PALM2AKAP2: variants seen among roughly 807,000 people sequenced by gnomAD.
The protein encoded by PALM2AKAP2 is PALM2 and AKAP2 fusion.
Under a neutral mutation model 71.5 loss-of-function variants are expected in PALM2AKAP2, and 37 were observed. The ratio of observed to expected loss-of-function variants is 0.52; its 90% CI spans 0.40 to 0.68. The LOEUF is 0.68. Ranked by LOEUF, PALM2AKAP2 falls within the 30% of genes least tolerant of loss-of-function variation. The probability of loss-of-function intolerance (pLI) is 0.00; values close to 1 mark genes in which losing one functional copy is unlikely to be tolerated. For missense variants in PALM2AKAP2, 1,224 were observed against 1,191.8 expected, an observed-to-expected ratio of 1.03 and a Z score of -0.40; for synonymous variants, 468 against 478.8, an observed-to-expected ratio of 0.98 and a Z score of 0.29.
intron 2 of PALM2AKAP2, among the ~76,000 whole-genome samples, chr9:110,150,926 ACAT>A (rs1836296402): frequency 6.6e-6 from 1 of 152,228 alleles, no homozygotes; most frequent in African/African-American, 2.4e-5. Context: ...AGAGTCTAAA[ACAT>A]CATTTATAAT....
At chr9:109,759,409 G>A (rs1256090348) in intron 1 of PALM2AKAP2, among the ~76,000 whole-genome samples, 2 of 152,074 alleles carry the variant, frequency 1.3e-5, no homozygotes, top group Non-Finnish European at 2.9e-5. Flanking sequence ...GCATCAAAAC[G>A]GTGATTCTTT....
Position 109,690,467 on chromosome 9 carries a change from T to G in PALM2AKAP2, c.5+49601T>G, listed in dbSNP as rs143666315. On this transcript the variant is annotated intron_variant, in intron 1 of 6. Coordinates refer to the PALM2AKAP2 transcript ENST00000374531. ...TTATGTCTCTCAATCCCAAAAAATATAGTTGGCTTTAAAACTCTTTATAAT... is the reference window on the plus strand; with the variant it reads ...TTATGTCTCTCAATCCCAAAAAATAGAGTTGGCTTTAAAACTCTTTATAAT... Among the ~76,000 whole-genome samples, 159 of 152,312 alleles carry G rather than the reference T, an allele frequency of 1.0e-3. 2 individuals are homozygous for G. Among genetic ancestry groups the G allele is most frequent in the African/African-American group, 3.8e-3 (156 of 41,580 alleles).
At chr9:109,757,749 G>A (rs1828986247) in intron 1 of PALM2AKAP2, among the ~76,000 whole-genome samples, 1 of 151,784 alleles carries the variant, frequency 6.6e-6, no homozygotes, top group South Asian at 2.1e-4. Context: ...AGCAAAACAT[G>A]CCAAGGTTCA....
At chr9:109,927,087 G>A (rs976798791) in intron 5 of PALM2AKAP2, among the ~76,000 whole-genome samples, 4 of 152,136 alleles carry the variant, frequency 2.6e-5, no homozygotes, top group Non-Finnish European at 5.9e-5. Context: ...TTGGGAAGTG[G>A]CCCAGGGAAG....
At chr9:109,725,180 A>G (rs1828458342) in intron 1 of PALM2AKAP2, among the ~76,000 whole-genome samples, 1 of 152,206 alleles carries the variant, frequency 6.6e-6, no homozygotes, top group Non-Finnish European at 1.5e-5. Context: ...TGGCAAGAAC[A>G]TGGTGGGAAC....
intron 1 of PALM2AKAP2, among the ~76,000 whole-genome samples, chr9:109,808,494 G>T (rs1039541390): frequency 1.3e-5 from 2 of 152,222 alleles, no homozygotes; most frequent in East Asian, 1.9e-4. Context: ...GGTGACTTGG[G>T]TGCTGTTAAA....
rs192527870 is a variant in PALM2AKAP2, at chr9:109,866,260, C to G, written c.46-1231C>G. 2.1e-4 allele frequency among the ~76,000 whole-genome samples: 32 copies of G among 152,294 alleles called. No individual in the cohort carries two copies. In the East Asian group the frequency reaches 6.2e-3, roughly 29 times the overall value. On this transcript the variant is annotated intron_variant, in intron 1 of 9. Coordinates refer to the PALM2AKAP2 transcript ENST00000302798. ...AAGCTTCCGTTAACACTGAGCACAG[C>G]AGCCAGGCTTCCGCATTGTTGTTGT... is the stretch of plus-strand genomic sequence containing the variant.
intron 1 of PALM2AKAP2, among the ~76,000 whole-genome samples, chr9:109,785,338 C>T (rs995137448): frequency 2.6e-5 from 4 of 152,160 alleles, no homozygotes; most frequent in Non-Finnish European, 4.4e-5. Context: ...CTACCTTCTT[C>T]CTGAGGTGTG....
chr9:109,813,718 T>C (rs1827781396), intron 1 of PALM2AKAP2, among the ~76,000 whole-genome samples: 1 of 152,140 alleles, frequency 6.6e-6, no homozygotes, highest in Admixed American at 6.5e-5. Flanking sequence ...CATCCTAGAC[T>C]TCTCAAGAAG....
chr9:109,891,105 T>A (rs1006260103), intron 3 of PALM2AKAP2, among the ~76,000 whole-genome samples: 2 of 152,198 alleles, frequency 1.3e-5, no homozygotes, highest in African/African-American at 4.8e-5. Flanking sequence ...CTGTACAGCA[T>A]GGGGCTGCCA....
intron 1 of PALM2AKAP2, among the ~76,000 whole-genome samples, chr9:109,813,107 G>C (rs1017589809): frequency 3.3e-5 from 5 of 152,198 alleles, no homozygotes; most frequent in African/African-American, 1.2e-4. Flanking sequence ...CATAGCAGCT[G>C]AAAACATTTC....
chr9:109,981,557 G>A (rs1306583303), intron 6 of PALM2AKAP2, among the ~76,000 whole-genome samples: 1 of 152,190 alleles, frequency 6.6e-6, no homozygotes, highest in Non-Finnish European at 1.5e-5. Context: ...GGCTAATAAG[G>A]AATTAACACA....
At chr9:109,760,610 T>C (rs1322969109) in intron 1 of PALM2AKAP2, 2 of 152,208 alleles carry the variant, frequency 1.3e-5, no homozygotes, top group Non-Finnish European at 2.9e-5. Context: ...AGGCTTCCTC[T>C]TCCCCAAATT....
exon 4 of PALM2AKAP2, chr9:110,170,101 G>A (rs1340287815): frequency 6.6e-6 from 1 of 152,250 alleles, no homozygotes; most frequent in African/African-American, 2.4e-5. Context: ...TACTATAGAG[G>A]ATGCCAGCTT....
chr9:109,919,420 G>A (rs6477731), intron 3 of PALM2AKAP2, among the ~76,000 whole-genome samples: 124,606 of 152,170 alleles, frequency 0.82, 51,276 homozygotes, highest in East Asian at 0.89. Context: ...ATTGAAAATT[G>A]TTTTTTAAAA....
At chr9:110,017,959 C>T (rs969986137) in intron 7 of PALM2AKAP2, among the ~76,000 whole-genome samples, 22 of 152,218 alleles carry the variant, frequency 1.4e-4, no homozygotes, top group African/African-American at 5.3e-4. Flanking sequence ...ATCTCTTGAC[C>T]TCATGGTCCG....
At chr9:109,876,798 G>T (rs946477487) in intron 2 of PALM2AKAP2, among the ~76,000 whole-genome samples, 1 of 152,138 alleles carries the variant, frequency 6.6e-6, no homozygotes, top group Non-Finnish European at 1.5e-5. Context: ...GCCTTTGTCT[G>T]TTGGAGCCTC....
At chr9:109,666,335 G>A (rs956184656) in intron 1 of PALM2AKAP2, among the ~76,000 whole-genome samples, 1 of 152,154 alleles carries the variant, frequency 6.6e-6, no homozygotes, top group Non-Finnish European at 1.5e-5. Flanking sequence ...CCCTCACAAA[G>A]TATCTTTTTA....
intron 1 of PALM2AKAP2, among the ~76,000 whole-genome samples, chr9:109,829,900 A>G (rs10739285): frequency 0.16 from 24,167 of 152,174 alleles, 2,500 homozygotes; most frequent in East Asian, 0.34. Flanking sequence ...GAAGACAAAC[A>G]AAAAACACAG....
Sources: gnomAD v4.1 joint callset for allele counts (sites outside exome capture counted in the v4.1 genomes callset) on GRCh38, gnomAD v4.1.1 for gene constraint, MANE v1.5 for transcripts, NCBI Gene and HGNC (gene_info 2026-07-23, HGNC 2026-07-21) for gene names.